Variants in FRY observed in about 807,000 individuals in gnomAD.
FRY encodes the protein FRY microtubule binding protein, also known as protein furry homolog.
Under a neutral mutation model 348.4 loss-of-function variants are expected in FRY, and 128 were observed. That is an observed-to-expected ratio of 0.37 (90% confidence interval 0.32 to 0.43). FRY has a LOEUF of 0.43. Among genes scored for constraint, FRY ranks in the 20% least tolerant of loss-of-function variants. The pLI, the probability that FRY is intolerant of heterozygous loss-of-function variation, is 1.00. For synonymous variants in FRY, 1,370 were observed against 1,374.7 expected, an observed-to-expected ratio of 1.00 and a Z score of 0.08; for missense variants, 2,736 against 3,695.2, an observed-to-expected ratio of 0.74 and a Z score of 6.73.
rs959887105 is a variant in FRY, at chr13:32,036,163, T to C, written c.70+4298T>C. Among the ~76,000 whole-genome samples the C allele has an allele frequency of 2.6e-5, 4 of 152,228 alleles. No homozygotes were observed. In the South Asian group the frequency reaches 6.2e-4, roughly 24 times the overall value. ...CAAAATTAATTTCAGTTTTAACCTC[T>C]GTATAGACTTGGTTGAAAGAAGTGG... is the stretch of plus-strand genomic sequence containing the variant. On this transcript the variant is annotated intron_variant, in intron 1 of 60. Coordinates refer to ENST00000542859, the MANE Select transcript of FRY (RefSeq NM_023037.3).
At chr13:32,097,014 T>G (rs549851731) in intron 2 of FRY, among the ~76,000 whole-genome samples, 16 of 152,268 alleles carry the variant, frequency 1.1e-4, no homozygotes, top group Admixed American at 7.2e-4. Flanking sequence ...TTCATATGTA[T>G]GCAAAAATGT....
In FRY at chr13:32,231,223, A is replaced by G; in HGVS notation, c.5450A>G (p.Asn1817Ser). The change falls in exon 41 of 61, where the codon AAT becomes AGT. Residue 1817 changes from asparagine to serine, a missense_variant. Physicochemically the swap from Asn to Ser is conservative, Grantham distance 46. Around this residue, in one of 9 missense-constraint regions of FRY, gnomAD observed 794 missense variants for 977.0 expected, o/e 0.81. Coordinates refer to ENST00000542859, the MANE Select transcript of FRY (RefSeq NM_023037.3). ...LWCHEDITPK[N>S]QNSKSAEQLT... is the part of the protein sequence containing the mutation. ...TGCCATGAAGACATCACACCTAAAA[A>G]TCAAAATTCAAAGAGTGCTGAACAG... 5.0e-6 allele frequency: 8 copies of G among 1,613,246 alleles called. No individual in the cohort carries two copies. Among genetic ancestry groups the G allele is most frequent in the Non-Finnish European group, 6.8e-6 (8 of 1,179,180 alleles).
chr13:32,068,975 G>A (rs1195348298), intron 1 of FRY, among the ~76,000 whole-genome samples: 2 of 141,264 alleles, frequency 1.4e-5, no homozygotes, highest in African/African-American at 2.7e-5. Flanking sequence ...GAGCGCAGTG[G>A]CCTGTTCTCG....
chr13:32,078,632 G>C (rs1875267707), intron 1 of FRY, among the ~76,000 whole-genome samples: 1 of 152,196 alleles, frequency 6.6e-6, no homozygotes, highest in South Asian at 2.1e-4. Context: ...ATCTTGAGAT[G>C]ATCAAATGTG....
intron 31 of FRY, among the ~76,000 whole-genome samples, chr13:32,206,400 A>G (rs1461458872): frequency 6.6e-6 from 1 of 152,198 alleles, no homozygotes; most frequent in African/African-American, 2.4e-5. Flanking sequence ...GAAGACCTGA[A>G]CATGACTCTC....
At chr13:32,238,140 A>G (rs1447549376) in intron 44 of FRY, among the ~76,000 whole-genome samples, 154 bp downstream of exon 44, 1 of 152,194 alleles carries the variant, frequency 6.6e-6, no homozygotes, top group Non-Finnish European at 1.5e-5. Context: ...ATTCTATATA[A>G]TGTAAATCTC....
At chr13:32,212,804 T>C (rs1459883989) in intron 35 of FRY, among the ~76,000 whole-genome samples, 1 of 152,212 alleles carries the variant, frequency 6.6e-6, no homozygotes, top group Non-Finnish European at 1.5e-5. Flanking sequence ...TTACTTTTGC[T>C]TTGTGCTGTC....
At chr13:32,244,221 C>G in intron 47 of FRY, 39 bp downstream of exon 47, 1 of 1,591,034 alleles carries the variant, frequency 6.3e-7, no homozygotes, top group Non-Finnish European at 8.6e-7. Context: ...ACCAGTCGTT[C>G]TAAAAAGATG....
intron 14 of FRY, among the ~76,000 whole-genome samples, chr13:32,151,857 T>G (rs1005921084): frequency 4.6e-5 from 7 of 152,178 alleles, no homozygotes; most frequent in African/African-American, 1.7e-4. Flanking sequence ...GAAATAAAAT[T>G]GTCTTAATTC....
intron 2 of FRY, among the ~76,000 whole-genome samples, chr13:32,081,027 C>T (rs1047348663): frequency 2.0e-5 from 3 of 152,128 alleles, no homozygotes; most frequent in East Asian, 1.9e-4. Flanking sequence ...AACATTTTCC[C>T]TCTTAACTCA....
chr13:32,078,869 G>C lies in FRY; in HGVS notation c.106G>C (p.Val36Leu). 1 of 1,614,068 alleles carries C rather than the reference G, an allele frequency of 6.2e-7. No individual in the cohort carries two copies. The highest frequency in any genetic ancestry group is 1.3e-5 in the African/African-American group (1 of 75,010). The change falls in exon 2 of 61, where the codon GTT becomes CTT. Residue 36 changes from valine (V) to leucine (L), a missense_variant. Val to Leu is a conservative substitution (Grantham distance 32, BLOSUM62 1). Transcript: ENST00000542859. Reference sequence around the variant, plus strand: ...TGGCAACGGTTACATCAAGCCTCCGGTTCCACCTGCTTCTGGCACGCACAG... The same window carrying C: ...TGGCAACGGTTACATCAAGCCTCCGCTTCCACCTGCTTCTGGCACGCACAG... ...PVGNGYIKPP[V>L]PPASGTHREK...
intron 28 of FRY, 135 bp from the exon 29 acceptor site, chr13:32,194,008 A>G (rs1009663993): frequency 3.5e-5 from 29 of 827,114 alleles, no homozygotes; most frequent in Middle Eastern, 3.3e-4. Flanking sequence ...AGAATATATG[A>G]CATAAAAACC....
At chr13:32,250,122 C>T (rs1014700229) in intron 49 of FRY, among the ~76,000 whole-genome samples, 5 of 152,194 alleles carry the variant, frequency 3.3e-5, no homozygotes, top group African/African-American at 1.2e-4. Flanking sequence ...ACAGGCACCT[C>T]AACCATGGTG....
chr13:32,220,682 A>G (rs1885266688), intron 36 of FRY, among the ~76,000 whole-genome samples: 1 of 152,242 alleles, frequency 6.6e-6, no homozygotes, highest in South Asian at 2.1e-4. Flanking sequence ...CTCTCAGCAC[A>G]TTTTGGCTGA....
chr13:32,171,511 C>T lies in FRY; in HGVS notation c.2151+241C>T, dbSNP rs547615888. ...GTTTTAGCAGAGATTGGGGTTTTGC[C>T]GTCTTGGCCAGGCTGGTCTCGAACT... On this transcript the variant is annotated intron_variant, in intron 18 of 60. Coordinates refer to ENST00000542859, the MANE Select transcript of FRY (RefSeq NM_023037.3). Among the ~76,000 whole-genome samples the T allele has an allele frequency of 6.6e-5, 10 of 151,710 alleles. No homozygotes were observed. The South Asian group carries it at 1.3e-3, about 19-fold the overall frequency.
At chr13:32,053,708 T>C (rs781488842) in intron 1 of FRY, among the ~76,000 whole-genome samples, 14 of 152,374 alleles carry the variant, frequency 9.2e-5, no homozygotes, top group Middle Eastern at 3.4e-3. Context: ...TCTTGGGCTG[T>C]ATTTTTTAAT....
intron 1 of FRY, among the ~76,000 whole-genome samples, chr13:32,062,538 C>T (rs1240897560): frequency 2.0e-5 from 3 of 152,088 alleles, no homozygotes; most frequent in Non-Finnish European, 4.4e-5. Context: ...AGATTTATTA[C>T]CATCTTAGAT....
chr13:32,043,159 G>A (rs935626792), intron 1 of FRY, among the ~76,000 whole-genome samples: 6 of 152,146 alleles, frequency 3.9e-5, no homozygotes, highest in African/African-American at 1.4e-4. Flanking sequence ...AGTGAAATGG[G>A]TTATCAAACC....
rs773344773 is a variant in FRY at position 32,244,111 on chromosome 13, A to G, written c.6757A>G (p.Met2253Val). The G allele has an allele frequency of 1.9e-5, 30 of 1,613,752 alleles. No individual in the cohort carries two copies. The highest frequency in any genetic ancestry group is 1.8e-4 in the East Asian group (8 of 44,894). The change falls in exon 47 of 61, where the codon ATG becomes GTG. Residue 2253 changes from methionine (M) to valine (V), a missense_variant. Met to Val is a conservative substitution (Grantham distance 21). This residue lies in a region of FRY where 789 missense variants were observed against 996.2 expected (regional missense o/e 0.79). Coordinates refer to ENST00000542859, the MANE Select transcript of FRY (RefSeq NM_023037.3). ...GGTGATCTACAGTCTTCTCAGCTACATGGACCTTTCTGTCGTTCCTGTCAA... is the reference window on the plus strand; with the variant it reads ...GGTGATCTACAGTCTTCTCAGCTACGTGGACCTTTCTGTCGTTCCTGTCAA... The part of the protein sequence containing the change: ...LQVIYSLLSY[M>V]DLSVVPVKQF...
Sources: allele counts gnomAD v4.1 joint callset (sites outside exome capture counted in the v4.1 genomes callset), GRCh38; gene constraint gnomAD v4.1.1; regional missense constraint gnomAD v4.1.1; transcripts MANE v1.5; gene names NCBI Gene and HGNC (gene_info 2026-07-23, HGNC 2026-07-21).